The following STAT4 variants were observed in gnomAD, a reference collection of about 807,000 sequenced individuals.
STAT4 encodes signal transducer and activator of transcription 4.
Under a neutral mutation model 110.5 loss-of-function variants are expected in STAT4, and 42 were observed. That is an observed-to-expected ratio of 0.38 (90% CI 0.30 to 0.49). The LOEUF is 0.49. STAT4 is among the 20% of genes least tolerant of loss of function. STAT4 has a pLI of 0.95. For synonymous variants in STAT4, 284 were observed against 302.2 expected (o/e 0.94, Z 0.63); for missense variants, 632 against 887.9 (o/e 0.71, Z 3.66).
At chr2:191,044,659 CA>C (rs1308791097) in intron 14 of STAT4, among the ~76,000 whole-genome samples, 1 of 152,026 alleles carries the variant, frequency 6.6e-6, no homozygotes, top group Non-Finnish European at 1.5e-5. Flanking sequence ...AAACAATAAA[CA>C]AAAAACAACT....
intron 17 of STAT4, 115 bp downstream of exon 17, chr2:191,036,049 T>A: frequency 8.0e-7 from 1 of 1,245,308 alleles, no homozygotes; most frequent in Non-Finnish European, 1.1e-6. Context: ...ATAGTAGGCA[T>A]TGAATAAATT....
chr2:191,072,812 C>T (rs752119902), intron 5 of STAT4, among the ~76,000 whole-genome samples: 24 of 152,092 alleles, frequency 1.6e-4, no homozygotes, highest in Non-Finnish European at 3.2e-4. Flanking sequence ...AATAAAACAA[C>T]TTAGATCAAA....
Position 191,037,399 on chromosome 2 carries a change from T to C in STAT4, c.1435-1100A>G, listed in dbSNP as rs1696073993. On this transcript the variant is annotated intron_variant, in intron 16 of 23. Coordinates refer to ENST00000392320, the MANE Select transcript of STAT4 (RefSeq NM_003151.4). The surrounding 1 kb of genome is among the most constrained non-coding windows in gnomAD (Gnocchi z 4.8). The stretch of plus-strand genomic sequence containing the variant: ...GAACTCCTGGGTTCAAGAAACTCTC[T>C]TGCCTCAACCTCTCAAGTAGCTGAA... Among the ~76,000 whole-genome samples the C allele has an allele frequency of 6.6e-6, 1 of 152,178 alleles. No homozygotes were observed. Among genetic ancestry groups the C allele is most frequent in the African/African-American group, 2.4e-5 (1 of 41,432 alleles).
At position 191,099,898 on chromosome 2, in the gene STAT4, C is replaced by A. The variant is rs1248706031; in HGVS notation, c.274-23573G>T. Among the ~76,000 whole-genome samples the A allele has an allele frequency of 6.6e-6, 1 of 151,972 alleles. No individual in the cohort carries two copies. Among genetic ancestry groups the A allele is most frequent in the African/African-American group, 2.4e-5 (1 of 41,372 alleles). Reference sequence around the variant, plus strand: ...CAGTAAAAGTATGAAAAGTTGGTGACCAAAATGTTAATAGTGGTTATCTTA... The same window carrying A: ...CAGTAAAAGTATGAAAAGTTGGTGAACAAAATGTTAATAGTGGTTATCTTA... On this transcript the variant is annotated intron_variant, in intron 3 of 23. Transcript: ENST00000392320. This position sits in a 1 kb window ranked among gnomAD's most constrained non-coding sequence, Gnocchi z 4.1.
chr2:191,113,650 TA>T lies in STAT4; in HGVS notation c.273+32962del, dbSNP rs1407729464. The stretch of plus-strand genomic sequence containing the variant: ...TTTTGTCATCATGCGGAAGAAAGAT[TA>T]AAAAGGTTAAAGATGAAATTTAGAG... On this transcript the variant is annotated intron_variant, in intron 3 of 23. Coordinates refer to ENST00000392320, the MANE Select transcript of STAT4 (RefSeq NM_003151.4). The surrounding 1 kb of genome is among the most constrained non-coding windows in gnomAD (Gnocchi z 4.8). 2.6e-5 allele frequency among the ~76,000 whole-genome samples: 4 copies of T among 152,172 alleles called. No individual in the cohort carries two copies. Among genetic ancestry groups the T allele is most frequent in the African/African-American group, 4.8e-5 (2 of 41,438 alleles).
In STAT4 at chr2:191,033,363, C is replaced by T; in HGVS notation, c.1852+127G>A. ...CCCTGTTCTGAGACAACTGCAACTA[C>T]TAATATTCAAGCCCACTGAATACAT... On this transcript the variant is annotated intron_variant, in intron 20 of 23. Coordinates refer to ENST00000392320, the MANE Select transcript of STAT4 (RefSeq NM_003151.4). The surrounding 1 kb of genome is among the most constrained non-coding windows in gnomAD (Gnocchi z 6.9). The T allele has an allele frequency of 3.2e-6, 4 of 1,232,520 alleles. No individual in the cohort carries two copies. Among genetic ancestry groups the T allele is most frequent in the Non-Finnish European group, 4.5e-6 (4 of 898,110 alleles). The allele number at this position is 1,232,520 out of a possible 1,614,324, so 76.3% of individuals were successfully genotyped here.
intron 3 of STAT4, among the ~76,000 whole-genome samples, chr2:191,111,678 C>T (rs1049782231): frequency 1.3e-5 from 2 of 152,004 alleles, no homozygotes; most frequent in Non-Finnish European, 2.9e-5. Context: ...CATAGTAAGA[C>T]CCTATCTCTA....
At chr2:191,069,837 T>C in intron 5 of STAT4, 66 bp from the exon 6 acceptor site, 3 of 1,326,912 alleles carry the variant, frequency 2.3e-6, no homozygotes, top group Non-Finnish European at 2.1e-6. Context: ...AACAACATCA[T>C]AAGTATTTTA....
At chr2:191,114,090 T>C (rs1698500504) in intron 3 of STAT4, among the ~76,000 whole-genome samples, 1 of 152,228 alleles carries the variant, frequency 6.6e-6, no homozygotes, top group African/African-American at 2.4e-5. Context: ...AGGTAACTTT[T>C]TAGACTTAGT....
At chr2:191,072,622 A>ACATGG (rs1367061296) in intron 5 of STAT4, among the ~76,000 whole-genome samples, 1 of 152,204 alleles carries the variant, frequency 6.6e-6, no homozygotes. Context: ...TTTATATACA[A>ACATGG]CATGGCAGAA....
At position 191,033,315 on chromosome 2, in the gene STAT4, A is replaced by G. The variant is rs1454278335; in HGVS notation, c.1853-166T>C. Among the ~76,000 whole-genome samples the G allele has an allele frequency of 6.6e-6, 1 of 152,234 alleles. No homozygotes were observed. The highest frequency in any genetic ancestry group is 2.4e-5 in the African/African-American group (1 of 41,466). On this transcript the variant is annotated intron_variant, in intron 20 of 23. Transcript: ENST00000392320. The surrounding 1 kb of genome is among the most constrained non-coding windows in gnomAD (Gnocchi z 6.9). ...GGACAGTATAGATTGTGCATACGAT[A>G]GACTTTTTGGAATTCATAGGTACCC...
intron 6 of STAT4, among the ~76,000 whole-genome samples, chr2:191,067,053 T>A (rs188909996): frequency 0.014 from 2,102 of 151,506 alleles, 27 homozygotes; most frequent in Admixed American, 0.023. Flanking sequence ...TCCCCCACTT[T>A]TTTTTCTTTT....
At chr2:191,055,243 G>C (rs974233979) in intron 13 of STAT4, among the ~76,000 whole-genome samples, 23 of 151,542 alleles carry the variant, frequency 1.5e-4, no homozygotes, top group African/African-American at 5.6e-4. Context: ...CTGTCACCCA[G>C]GCTGGAGTGC....
intron 3 of STAT4, chr2:191,131,685 A>C: frequency 1.0e-6 from 1 of 1,001,996 alleles, no homozygotes; most frequent in Non-Finnish European, 1.3e-6. Context: ...TCTGGGTATA[A>C]AATGTCAACA....
At chr2:191,130,526 T>A (rs942545834) in intron 3 of STAT4, among the ~76,000 whole-genome samples, 1 of 151,660 alleles carries the variant, frequency 6.6e-6, no homozygotes, top group Admixed American at 6.6e-5. Context: ...TTGGCCTATC[T>A]CGCTTTTTTA....
rs116947557 is a variant in STAT4, at chr2:191,141,280, G to A, written c.273+5333C>T. Among the ~76,000 whole-genome samples, 48 of 151,408 alleles carry A rather than the reference G, an allele frequency of 3.2e-4. 1 individual carries two copies. The East Asian group carries it at 8.7e-3, about 28-fold the overall frequency. On this transcript the variant is annotated intron_variant, in intron 3 of 23. Transcript: ENST00000392320. Reference sequence around the variant, plus strand: ...TTAAAAGACATACAAATAGTCAACAGATATAAGAAAAAATGCTCAACATCA... The same window carrying A: ...TTAAAAGACATACAAATAGTCAACAAATATAAGAAAAAATGCTCAACATCA...
At chr2:191,073,734 CA>C (rs941830530) in intron 4 of STAT4, among the ~76,000 whole-genome samples, 1 of 152,076 alleles carries the variant, frequency 6.6e-6, no homozygotes, top group Non-Finnish European at 1.5e-5. Context: ...TAAATATAAA[CA>C]TATATATATG....
rs1698106520 is a variant in STAT4 at position 191,099,749 on chromosome 2, G to A, written c.274-23424C>T. 6.6e-6 allele frequency among the ~76,000 whole-genome samples: 1 copy of A among 152,058 alleles called. No individual in the cohort carries two copies. Among genetic ancestry groups the A allele is most frequent in the Non-Finnish European group, 1.5e-5 (1 of 67,970 alleles). ...TTCACACTTGACTGTTAATACGGAT[G>A]TCTTTGAAGGTAGTGGTGTGGATGG... On this transcript the variant is annotated intron_variant, in intron 3 of 23. Coordinates refer to ENST00000392320, the MANE Select transcript of STAT4 (RefSeq NM_003151.4). The surrounding 1 kb of genome is among the most constrained non-coding windows in gnomAD (Gnocchi z 4.1).
At chr2:191,045,296 T>C (rs1696318236) in intron 14 of STAT4, among the ~76,000 whole-genome samples, 2 of 152,182 alleles carry the variant, frequency 1.3e-5, no homozygotes. Context: ...TGCCATCGCC[T>C]AAAAGTTTGT....
Sources: gnomAD v4.1 joint callset for allele counts (sites outside exome capture counted in the v4.1 genomes callset) on GRCh38, gnomAD v4.1.1 for gene constraint, Gnocchi (gnomAD v3.1) non-coding constraint, MANE v1.5 for transcripts, NCBI Gene and HGNC (gene_info 2026-07-23, HGNC 2026-07-21) for gene names.